NRG1: variants seen among roughly 807,000 people sequenced by gnomAD.
NRG1 encodes neuregulin 1.
NRG1 carries 18 observed loss-of-function variants against 63.8 expected under a neutral mutation model. The ratio of observed to expected loss-of-function variants is 0.28; its 90% CI spans 0.19 to 0.42. The LOEUF is 0.42. Among genes scored for constraint, NRG1 ranks in the 10% least tolerant of loss-of-function variants. NRG1 has a pLI of 1.00. For missense variants in NRG1, 762 were observed against 814.7 expected (o/e 0.94, Z 0.79); for synonymous variants, 302 against 301.3 (o/e 1.00, Z -0.02).
intron 1 of NRG1, among the ~76,000 whole-genome samples, chr8:31,816,305 A>G (rs919809234): frequency 6.6e-6 from 1 of 152,162 alleles, no homozygotes; most frequent in African/African-American, 2.4e-5. Flanking sequence ...CTCCAGGGTC[A>G]TTTCTATCCT....
intron 6 of NRG1, among the ~76,000 whole-genome samples, chr8:32,728,804 G>A (rs1185994731): frequency 2.6e-5 from 4 of 152,244 alleles, no homozygotes; most frequent in Admixed American, 6.5e-5. Flanking sequence ...AGTGGCTCAC[G>A]CCTGTAATCC....
At chr8:31,889,730 C>A (rs762768528) in intron 1 of NRG1, among the ~76,000 whole-genome samples, 1 of 152,160 alleles carries the variant, frequency 6.6e-6, no homozygotes, top group Non-Finnish European at 1.5e-5. Flanking sequence ...CAAAGGGAAC[C>A]AACAATCTGC....
chr8:32,749,539 T>G (rs1564101823), intron 7 of NRG1: 1 of 1,613,696 alleles, frequency 6.2e-7, no homozygotes, highest in Non-Finnish European at 8.5e-7. Context: ...TTCTTTTTTT[T>G]GTCAACTTTC....
chr8:32,507,108 G>GGAA (rs1417371623), intron 1 of NRG1, among the ~76,000 whole-genome samples: 2 of 151,970 alleles, frequency 1.3e-5, no homozygotes, highest in African/African-American at 2.4e-5. Context: ...TGGGAGAGAG[G>GGAA]GAAGATATGT....
chr8:32,573,656 T>TTTA (rs1839060991), intron 1 of NRG1, among the ~76,000 whole-genome samples: 3 of 152,180 alleles, frequency 2.0e-5, no homozygotes. Flanking sequence ...TATTTTTTAT[T>TTTA]TTATTATTAT....
At chr8:32,285,416 C>A (rs907612524) in intron 1 of NRG1, among the ~76,000 whole-genome samples, 1 of 152,124 alleles carries the variant, frequency 6.6e-6, no homozygotes, top group Non-Finnish European at 1.5e-5. Flanking sequence ...CAAAAGCATA[C>A]AATTACAGGA....
At chr8:31,924,274 C>G (rs1001573057) in intron 1 of NRG1, among the ~76,000 whole-genome samples, 1 of 151,946 alleles carries the variant, frequency 6.6e-6, no homozygotes, top group Non-Finnish European at 1.5e-5. Flanking sequence ...TCGCTTGAAC[C>G]CAGGAGGCAG....
intron 1 of NRG1, among the ~76,000 whole-genome samples, chr8:31,684,011 G>A (rs1428384922): frequency 6.6e-6 from 1 of 152,160 alleles, no homozygotes; most frequent in Non-Finnish European, 1.5e-5. Flanking sequence ...GAGAAGACTT[G>A]ATTCTCATTT....
chr8:32,553,383 A>C (rs1337807007), intron 1 of NRG1, among the ~76,000 whole-genome samples: 1 of 152,190 alleles, frequency 6.6e-6, no homozygotes, highest in Admixed American at 6.5e-5. Context: ...CTTTTATGGT[A>C]AAAAATATCC....
intron 6 of NRG1, among the ~76,000 whole-genome samples, chr8:32,740,787 A>G (rs1276663381): frequency 6.6e-6 from 1 of 152,190 alleles, no homozygotes; most frequent in African/African-American, 2.4e-5. Flanking sequence ...AATTACCCCT[A>G]TATTGGTAAC....
chr8:32,701,375 T>A (rs747308853), intron 5 of NRG1, among the ~76,000 whole-genome samples: 6 of 152,164 alleles, frequency 3.9e-5, no homozygotes, highest in Non-Finnish European at 8.8e-5. Context: ...GACACAAGAA[T>A]GCAAGAAATG....
intron 3 of NRG1, among the ~76,000 whole-genome samples, chr8:32,611,543 A>G (rs1370905296): frequency 6.6e-6 from 1 of 152,038 alleles, no homozygotes; most frequent in African/African-American, 2.4e-5. Flanking sequence ...TTGTCTTTTC[A>G]ATGTATGGTA....
intron 1 of NRG1, among the ~76,000 whole-genome samples, chr8:32,432,929 A>G (rs1230235408): frequency 6.6e-6 from 1 of 152,132 alleles, no homozygotes. Flanking sequence ...AATTTAGTTT[A>G]CCATTATAGG....
rs1456411396 is a variant in NRG1 at position 31,640,034 on chromosome 8, C to T, written c.37+603C>T. On this transcript the variant is annotated intron_variant, in intron 1 of 10. Transcript: ENST00000519301. The surrounding 1 kb of genome is among the most constrained non-coding windows in gnomAD (Gnocchi z 6.3). ...CGCTCCGGGCGTCCCGGCCCCCGGG[C>T]CCAGCGCCCCGGCTCCGCCGCCCGC... The T allele has an allele frequency of 3.5e-6, 4 of 1,142,472 alleles. No homozygotes were observed. Among genetic ancestry groups the T allele is most frequent in the Non-Finnish European group, 4.3e-6 (4 of 932,678 alleles). 70.8% of individuals were successfully genotyped at this position (1,142,472 alleles called of 1,614,324 possible).
chr8:31,987,127 G>A (rs1586278520), intron 1 of NRG1, among the ~76,000 whole-genome samples: 2 of 151,774 alleles, frequency 1.3e-5, no homozygotes, highest in Admixed American at 6.6e-5. Context: ...GTGAAACCCC[G>A]CCTTTACTAC....
intron 1 of NRG1, among the ~76,000 whole-genome samples, chr8:32,444,312 T>G (rs1179788755): frequency 6.7e-6 from 1 of 149,102 alleles, no homozygotes; most frequent in Non-Finnish European, 1.5e-5. Context: ...GGGGTGGTTT[T>G]GTTTGTTTGT....
intron 1 of NRG1, chr8:32,287,704 TAG>T (rs746647872): frequency 3.8e-4 from 58 of 152,184 alleles, no homozygotes; most frequent in South Asian, 6.2e-4. Flanking sequence ...AGAAGAAAAA[TAG>T]AGTCAGTCAG....
intron 6 of NRG1, among the ~76,000 whole-genome samples, chr8:32,740,879 T>TA (rs1305459752): frequency 6.6e-6 from 1 of 152,188 alleles, no homozygotes; most frequent in Non-Finnish European, 1.5e-5. Flanking sequence ...AAGGGTTGTG[T>TA]AAAAATCACT....
chr8:32,106,033 T>A (rs904121310), intron 1 of NRG1, among the ~76,000 whole-genome samples: 1 of 152,130 alleles, frequency 6.6e-6, no homozygotes, highest in African/African-American at 2.4e-5. Context: ...TTGACTACTC[T>A]CTTAGGATAC....
Sources: gnomAD v4.1 joint callset for allele counts (sites outside exome capture counted in the v4.1 genomes callset) on GRCh38, gnomAD v4.1.1 for gene constraint, Gnocchi (gnomAD v3.1) non-coding constraint, MANE v1.5 for transcripts, NCBI Gene and HGNC (gene_info 2026-07-23, HGNC 2026-07-21) for gene names.